Variants in OXCT1 observed in about 807,000 individuals in gnomAD.
OXCT1 encodes the protein succinyl-CoA:3-ketoacid coenzyme A transferase 1, mitochondrial.
OXCT1 carries 27 observed loss-of-function variants against 69.6 expected under a neutral mutation model. The ratio of observed to expected loss-of-function variants is 0.39; its 90% CI spans 0.29 to 0.54. The LOEUF is 0.54. Among genes scored for constraint, OXCT1 ranks in the 20% least tolerant of loss-of-function variants. The pLI is 0.72. For synonymous variants in OXCT1, 202 were observed against 217.8 expected, an observed-to-expected ratio of 0.93 and a Z score of 0.64; for missense variants, 437 against 650.2, an observed-to-expected ratio of 0.67 and a Z score of 3.57.
intron 13 of OXCT1, among the ~76,000 whole-genome samples, chr5:41,780,964 C>G (rs1358773227): frequency 1.3e-5 from 2 of 151,228 alleles, no homozygotes; most frequent in Non-Finnish European, 2.9e-5. Flanking sequence ...AGGGCAGTGG[C>G]GCGATCTTGG....
chr5:41,759,260 T>C (rs957044860), intron 14 of OXCT1, among the ~76,000 whole-genome samples: 1 of 152,018 alleles, frequency 6.6e-6, no homozygotes, highest in Admixed American at 6.6e-5. Context: ...TTAATACCCA[T>C]ATCTCAACCT....
At chr5:41,819,649 C>T (rs1050539195) in intron 7 of OXCT1, among the ~76,000 whole-genome samples, 6 of 151,598 alleles carry the variant, frequency 4.0e-5, no homozygotes, top group Admixed American at 6.6e-5. Flanking sequence ...AGATAACAGG[C>T]GTGAGCCACC....
intron 7 of OXCT1, among the ~76,000 whole-genome samples, chr5:41,826,123 A>G (rs1183579070): frequency 6.6e-6 from 1 of 152,212 alleles, no homozygotes; most frequent in Non-Finnish European, 1.5e-5. Context: ...TATTCCCCTC[A>G]AGAGTCATCA....
chr5:41,811,887 A>G (rs934766090), intron 7 of OXCT1, among the ~76,000 whole-genome samples: 2 of 152,078 alleles, frequency 1.3e-5, no homozygotes, highest in African/African-American at 4.8e-5. Context: ...CTAGGCATGA[A>G]GTGTGGTGAG....
Position 41,863,025 on chromosome 5 carries a change from G to C in OXCT1, c.79-275C>G, listed in dbSNP as rs184186741. 4.8e-3 allele frequency among the ~76,000 whole-genome samples: 730 copies of C among 151,994 alleles called. 3 individuals carry two copies. Among genetic ancestry groups the C allele is most frequent in the African/African-American group, 0.013 (553 of 41,382 alleles). On this transcript the variant is annotated intron_variant, in intron 1 of 16. Transcript: ENST00000196371. ...GAGGTCTGTCACCCCAGGAAAGTAC[G>C]GTACAATAAGATTTGAGAGACAGAA...
chr5:41,777,585 T>G (rs984428725), intron 13 of OXCT1, among the ~76,000 whole-genome samples: 4 of 152,262 alleles, frequency 2.6e-5, no homozygotes, highest in Non-Finnish European at 5.9e-5. Flanking sequence ...CTTATTGCAC[T>G]ATTTTTCTTT....
Position 41,801,654 on chromosome 5 carries a change from G to A in OXCT1, c.1051-584C>T, listed in dbSNP as rs554220199. On this transcript the variant is annotated intron_variant, in intron 10 of 16. Coordinates refer to ENST00000196371, the MANE Select transcript of OXCT1 (RefSeq NM_000436.4). The stretch of plus-strand genomic sequence containing the variant: ...TTATTTGGCTAGAAGGACCTGGAGA[G>A]GCAAAGTTTTAGCTTTCTGATTTGT... 2.0e-5 allele frequency among the ~76,000 whole-genome samples: 3 copies of A among 152,216 alleles called. No homozygotes were observed. In the East Asian group the frequency reaches 5.8e-4, roughly 29 times the overall value.
At chr5:41,744,088 G>A (rs1281531508) in intron 15 of OXCT1, among the ~76,000 whole-genome samples, 1 of 152,096 alleles carries the variant, frequency 6.6e-6, no homozygotes, top group Admixed American at 6.5e-5. Context: ...CCATTTTCAC[G>A]ATACTGATTC....
At chr5:41,787,540 A>G (rs1052668056) in intron 13 of OXCT1, among the ~76,000 whole-genome samples, 1 of 150,446 alleles carries the variant, frequency 6.6e-6, no homozygotes. Context: ...TTGCAGAGGA[A>G]GAAGGTCTCA....
At chr5:41,789,657 C>T (rs1745818493) in intron 13 of OXCT1, among the ~76,000 whole-genome samples, 1 of 152,196 alleles carries the variant, frequency 6.6e-6, no homozygotes, top group African/African-American at 2.4e-5. Context: ...AAAGGCATTA[C>T]TAATTGTAAA....
chr5:41,782,060 C>T (rs1049501097), intron 13 of OXCT1, among the ~76,000 whole-genome samples: 1 of 151,844 alleles, frequency 6.6e-6, no homozygotes, highest in African/African-American at 2.4e-5. Flanking sequence ...AATTAATTTA[C>T]ACTCCCACCA....
chr5:41,801,015 A>G lies in OXCT1; in HGVS notation c.1099+7T>C. 6.2e-7 allele frequency: 1 copy of G among 1,610,758 alleles called. No homozygotes were observed. Among genetic ancestry groups the G allele is most frequent in the Non-Finnish European group, 8.5e-7 (1 of 1,177,084 alleles). On this transcript the variant is annotated splice_region_variant and intron_variant, in intron 11 of 16. Coordinates refer to ENST00000196371, the MANE Select transcript of OXCT1 (RefSeq NM_000436.4). ...CAAAGGGAAGGGCTAGAAATAAGTGAGCTTACCTGCATTGATGAGATCTGC... is the reference window on the plus strand; with the variant it reads ...CAAAGGGAAGGGCTAGAAATAAGTGGGCTTACCTGCATTGATGAGATCTGC...
intron 9 of OXCT1, among the ~76,000 whole-genome samples, chr5:41,804,724 G>C (rs994858252): frequency 6.6e-6 from 1 of 151,934 alleles, no homozygotes; most frequent in Non-Finnish European, 1.5e-5. Flanking sequence ...TAAAAAGAAA[G>C]GGAAAAAAGA....
At chr5:41,867,704 A>G (rs1750060698) in intron 1 of OXCT1, among the ~76,000 whole-genome samples, 1 of 152,254 alleles carries the variant, frequency 6.6e-6, no homozygotes, top group African/African-American at 2.4e-5. Flanking sequence ...ACTGACATCC[A>G]AGTGAAGTTC....
intron 16 of OXCT1, among the ~76,000 whole-genome samples, chr5:41,737,392 T>C (rs1742937495): frequency 6.6e-6 from 1 of 151,998 alleles, no homozygotes; most frequent in East Asian, 1.9e-4. Context: ...CCCACATGAA[T>C]AAAAAAAGAA....
intron 5 of OXCT1, among the ~76,000 whole-genome samples, chr5:41,845,469 T>C (rs1450827865): frequency 1.3e-5 from 2 of 152,098 alleles, no homozygotes; most frequent in African/African-American, 4.8e-5. Flanking sequence ...TTGATCTAGA[T>C]CATTTTACCA....
At chr5:41,731,961 T>C (rs1285668853) in intron 16 of OXCT1, among the ~76,000 whole-genome samples, 191 bp from the exon 17 acceptor site, 3 of 152,216 alleles carry the variant, frequency 2.0e-5, no homozygotes, top group African/African-American at 7.2e-5. Context: ...GGGTATTTTG[T>C]AGTTCTCAAC....
At chr5:41,764,744 C>A (rs1223942137) in intron 13 of OXCT1, among the ~76,000 whole-genome samples, 2 of 152,036 alleles carry the variant, frequency 1.3e-5, no homozygotes, top group Non-Finnish European at 2.9e-5. Flanking sequence ...TGAATTAAAC[C>A]AACAAAGGTA....
chr5:41,792,696 T>A (rs1745981613), intron 13 of OXCT1, among the ~76,000 whole-genome samples: 1 of 152,212 alleles, frequency 6.6e-6, no homozygotes, highest in East Asian at 1.9e-4. Context: ...TTCTGAAAGA[T>A]CAGTATTTTT....
Sources: allele counts gnomAD v4.1 joint callset (sites outside exome capture counted in the v4.1 genomes callset), GRCh38; gene constraint gnomAD v4.1.1; transcripts MANE v1.5; gene names NCBI Gene and HGNC (gene_info 2026-07-23, HGNC 2026-07-21).